LYPD6B: variants seen among roughly 807,000 people sequenced by gnomAD.
LYPD6B encodes the protein LY6/PLAUR domain containing 6B, also known as ly6/PLAUR domain-containing protein 6B.
Under a neutral mutation model 22.8 loss-of-function variants are expected in LYPD6B, and 17 were observed. The observed-to-expected ratio is 0.75, with a 90% CI of 0.51 to 1.12. LYPD6B has a LOEUF of 1.12. Ranked by LOEUF, LYPD6B falls within the 50% of genes most tolerant of loss-of-function variation. The probability of loss-of-function intolerance (pLI) is 0.00; values close to 1 mark genes in which losing one functional copy is unlikely to be tolerated. For synonymous variants in LYPD6B, 106 were observed against 91.6 expected (o/e 1.16, Z -0.90); for missense variants, 221 against 258.3 (o/e 0.86, Z 0.99).
chr2:149,163,660 G>A (rs900567444), intron 3 of LYPD6B, among the ~76,000 whole-genome samples: 4 of 152,100 alleles, frequency 2.6e-5, no homozygotes, highest in Admixed American at 6.5e-5. Context: ...TCTTCCCTCA[G>A]GTTACAGGTG....
At chr2:149,195,193 A>C (rs953820837) in intron 3 of LYPD6B, among the ~76,000 whole-genome samples, 2 of 152,198 alleles carry the variant, frequency 1.3e-5, no homozygotes, top group Non-Finnish European at 2.9e-5. Context: ...CCCATCTCCA[A>C]ACATAGACTG....
At chr2:149,097,877 G>A (rs2105470180) in intron 1 of LYPD6B, among the ~76,000 whole-genome samples, 1 of 152,138 alleles carries the variant, frequency 6.6e-6, no homozygotes, top group Middle Eastern at 3.4e-3. Context: ...TTTTTTTGGG[G>A]TATTTTTGTC....
At chr2:149,167,865 T>C (rs1690533824) in intron 3 of LYPD6B, among the ~76,000 whole-genome samples, 1 of 152,160 alleles carries the variant, frequency 6.6e-6, no homozygotes, top group South Asian at 2.1e-4. Flanking sequence ...GATGATTGCT[T>C]AACAATAATA....
chr2:149,093,075 T>A (rs750638785), intron 1 of LYPD6B, among the ~76,000 whole-genome samples: 1 of 152,032 alleles, frequency 6.6e-6, no homozygotes, highest in Admixed American at 6.6e-5. Flanking sequence ...CTATAGATGC[T>A]TAAGGGCTGT....
intron 1 of LYPD6B, among the ~76,000 whole-genome samples, chr2:149,098,057 C>T (rs1685987078): frequency 6.6e-6 from 1 of 151,866 alleles, no homozygotes; most frequent in Admixed American, 6.6e-5. Context: ...TGAATAATTA[C>T]TTACTTGTTA....
At chr2:149,074,730 C>T (rs1684801545) in intron 1 of LYPD6B, among the ~76,000 whole-genome samples, 1 of 152,246 alleles carries the variant, frequency 6.6e-6, no homozygotes, top group Admixed American at 6.5e-5. Flanking sequence ...CTACCACTTA[C>T]TTTCCTGGGA....
At chr2:149,174,010 G>A (rs539574385) in intron 3 of LYPD6B, among the ~76,000 whole-genome samples, 1 of 152,120 alleles carries the variant, frequency 6.6e-6, no homozygotes, top group Admixed American at 6.6e-5. Flanking sequence ...CAATATTGAT[G>A]CCTCCTTTCC....
At chr2:149,133,333 G>A (rs1482717297) in intron 2 of LYPD6B, among the ~76,000 whole-genome samples, 1 of 152,162 alleles carries the variant, frequency 6.6e-6, no homozygotes, top group Non-Finnish European at 1.5e-5. Context: ...AGACCCAGTG[G>A]TTATCAATAA....
At chr2:149,043,441 A>G (rs1479558777) in intron 1 of LYPD6B, among the ~76,000 whole-genome samples, 1 of 152,194 alleles carries the variant, frequency 6.6e-6, no homozygotes, top group Non-Finnish European at 1.5e-5. Context: ...CAGAAACGCA[A>G]ATAAAATTTT....
chr2:149,201,707 C>A (rs961091002), intron 3 of LYPD6B, among the ~76,000 whole-genome samples: 4 of 152,190 alleles, frequency 2.6e-5, no homozygotes, highest in Non-Finnish European at 4.4e-5. Context: ...TAGTACTTTC[C>A]TCACTTGACA....
At chr2:149,092,097 A>G (rs1007191029) in intron 1 of LYPD6B, among the ~76,000 whole-genome samples, 3 of 152,074 alleles carry the variant, frequency 2.0e-5, no homozygotes, top group African/African-American at 7.2e-5. Flanking sequence ...AAATGTAGCT[A>G]TCAGAGGAGT....
At chr2:149,111,874 G>A (rs1357522381) in intron 1 of LYPD6B, among the ~76,000 whole-genome samples, 3 of 152,128 alleles carry the variant, frequency 2.0e-5, no homozygotes, top group South Asian at 4.1e-4. Flanking sequence ...CAGGCACGAT[G>A]AGATCCAAGA....
chr2:149,039,613 A>G (rs1288747058), intron 1 of LYPD6B, among the ~76,000 whole-genome samples: 1 of 152,248 alleles, frequency 6.6e-6, no homozygotes, highest in Non-Finnish European at 1.5e-5. Flanking sequence ...TTAATATTAT[A>G]ATCATTACAA....
At chr2:149,065,637 C>G (rs1684285561) in intron 1 of LYPD6B, among the ~76,000 whole-genome samples, 1 of 152,188 alleles carries the variant, frequency 6.6e-6, no homozygotes, top group African/African-American at 2.4e-5. Context: ...TACTTGAGAG[C>G]TTGTTAAAAT....
intron 1 of LYPD6B, among the ~76,000 whole-genome samples, chr2:149,116,416 A>C (rs1395877029): frequency 6.6e-6 from 1 of 152,192 alleles, no homozygotes; most frequent in Non-Finnish European, 1.5e-5. Context: ...TGGCAGCAGA[A>C]CCTAGCTTAA....
chr2:149,129,282 A>G (rs1559017526), intron 1 of LYPD6B, among the ~76,000 whole-genome samples: 1 of 152,234 alleles, frequency 6.6e-6, no homozygotes. Flanking sequence ...TAAGAGCTAT[A>G]GCGGGTGAAG....
chr2:149,073,549 C>A (rs1684742955), intron 1 of LYPD6B, among the ~76,000 whole-genome samples: 1 of 152,114 alleles, frequency 6.6e-6, no homozygotes, highest in Non-Finnish European at 1.5e-5. Flanking sequence ...CTGTGTCCTG[C>A]AGCTGTTTGG....
intron 2 of LYPD6B, among the ~76,000 whole-genome samples, chr2:149,153,302 A>G (rs923114999): frequency 7.9e-5 from 12 of 152,144 alleles, no homozygotes; most frequent in African/African-American, 2.7e-4. Context: ...GGCAGTGGAA[A>G]ATAAGCTTGG....
chr2:149,173,369 T>G (rs1400734499), intron 3 of LYPD6B, among the ~76,000 whole-genome samples: 11 of 128,726 alleles, frequency 8.5e-5, no homozygotes, highest in Non-Finnish European at 1.6e-4. Flanking sequence ...TTTTTTTTTT[T>G]GCATCTTGAT....
Sources: allele counts gnomAD v4.1 joint callset (sites outside exome capture counted in the v4.1 genomes callset), GRCh38; gene constraint gnomAD v4.1.1; transcripts MANE v1.5; gene names NCBI Gene and HGNC (gene_info 2026-07-23, HGNC 2026-07-21).